Variants in KCNN3 observed in about 807,000 individuals in gnomAD.
KCNN3 encodes small conductance calcium-activated potassium channel protein 3.
In KCNN3, 16 loss-of-function variants were observed where a neutral mutation model predicts 62.9. The ratio of observed to expected loss-of-function variants is 0.25; its 90% CI spans 0.17 to 0.39. The LOEUF (loss-of-function observed/expected upper bound fraction) is 0.39. Ranked by LOEUF, KCNN3 falls within the 10% of genes least tolerant of loss-of-function variation. KCNN3 has a pLI of 1.00. For synonymous variants in KCNN3, 370 were observed against 389.2 expected (o/e 0.95, Z 0.58); for missense variants, 599 against 949.4 (o/e 0.63, Z 4.85).
At chr1:154,829,917 G>A (rs1416042810) in intron 1 of KCNN3, among the ~76,000 whole-genome samples, 1 of 152,046 alleles carries the variant, frequency 6.6e-6, no homozygotes, top group Non-Finnish European at 1.5e-5. Context: ...TTCACCATCT[G>A]ACCCCATTTT....
At chr1:154,775,087 G>A (rs1319449403) in intron 2 of KCNN3, among the ~76,000 whole-genome samples, 2 of 152,226 alleles carry the variant, frequency 1.3e-5, no homozygotes, top group African/African-American at 2.4e-5. Context: ...AGGGAATGAG[G>A]AGCCCTTTAT....
At chr1:154,781,349 T>C (rs1003603820) in intron 2 of KCNN3, among the ~76,000 whole-genome samples, 1 of 152,254 alleles carries the variant, frequency 6.6e-6, no homozygotes, top group African/African-American at 2.4e-5. Flanking sequence ...GGCAAGTCTC[T>C]GGACCTCAGA....
chr1:154,796,703 C>T (rs372662506), intron 2 of KCNN3, among the ~76,000 whole-genome samples: 14 of 152,328 alleles, frequency 9.2e-5, no homozygotes, highest in African/African-American at 2.6e-4. Flanking sequence ...GGGCCCCTGC[C>T]GCTGTCAGCA....
intron 5 of KCNN3, among the ~76,000 whole-genome samples, chr1:154,724,853 A>G (rs1387508469): frequency 6.6e-6 from 1 of 150,678 alleles, no homozygotes; most frequent in Admixed American, 6.6e-5. Context: ...CTCTACTAGA[A>G]TGATTCTTTT....
chr1:154,829,663 C>G (rs6665642), intron 1 of KCNN3, among the ~76,000 whole-genome samples: 48 of 152,108 alleles, frequency 3.2e-4, no homozygotes, highest in Non-Finnish European at 4.3e-4. Context: ...GACCTAGACC[C>G]GAGAGCAGGT....
intron 2 of KCNN3, among the ~76,000 whole-genome samples, chr1:154,801,926 G>A (rs567739037): frequency 1.3e-5 from 2 of 152,346 alleles, no homozygotes; most frequent in Non-Finnish European, 2.9e-5. Context: ...CAGCAGAAGA[G>A]GAAGGGGCCA....
rs1252418112 is a variant in KCNN3 at position 154,697,574 on chromosome 1, G to C, written c.*10402C>G. ...TTCTCTCCAGCTTCAGTTCAAGCAG[G>C]AGTGGGGAAGGCCATAGACTAAGCC... On this transcript the variant is annotated 3_prime_UTR_variant, in exon 8 of 8. Coordinates refer to ENST00000271915, the MANE Select transcript of KCNN3 (RefSeq NM_002249.6). 1 of 152,096 alleles carries C rather than the reference G, an allele frequency of 6.6e-6. No homozygotes were observed. Among genetic ancestry groups the C allele is most frequent in the Non-Finnish European group, 1.5e-5 (1 of 68,036 alleles). 9.4% of individuals were successfully genotyped at this position (152,096 alleles called of 1,614,324 possible).
chr1:154,711,848 C>T (rs1029924197), intron 7 of KCNN3, among the ~76,000 whole-genome samples: 1 of 152,040 alleles, frequency 6.6e-6, no homozygotes, highest in South Asian at 2.1e-4. Flanking sequence ...TGAATTGGAG[C>T]CTGTTACAGT....
chr1:154,744,065 C>G lies in KCNN3; in HGVS notation c.1449-10921G>C, dbSNP rs137888391. Among the ~76,000 whole-genome samples, 456 of 152,284 alleles carry G rather than the reference C, an allele frequency of 3.0e-3. 3 individuals are homozygous for G. The highest frequency in any genetic ancestry group is 9.9e-3 in the African/African-American group (411 of 41,544). On this transcript the variant is annotated intron_variant, in intron 3 of 7. Transcript: ENST00000271915. Reference sequence around the variant, plus strand: ...GCAGGCCAGCTTCTCCCGAGTCATTCTTCTCCACAGCGCTTATCACCACCT... The same window carrying G: ...GCAGGCCAGCTTCTCCCGAGTCATTGTTCTCCACAGCGCTTATCACCACCT...
intron 3 of KCNN3, among the ~76,000 whole-genome samples, chr1:154,756,456 C>T (rs944573713): frequency 1.3e-5 from 2 of 152,168 alleles, no homozygotes; most frequent in Non-Finnish European, 2.9e-5. Flanking sequence ...CAGCCTCCTG[C>T]CCCCTTCTGC....
At chr1:154,710,736 G>GA (rs1700056981) in intron 7 of KCNN3, among the ~76,000 whole-genome samples, 1 of 152,132 alleles carries the variant, frequency 6.6e-6, no homozygotes, top group African/African-American at 2.4e-5. Flanking sequence ...AAAAACACAT[G>GA]AAAAAATGCT....
In KCNN3 at chr1:154,750,812, T is replaced by C. The variant is rs538370839; in HGVS notation, c.1449-17668A>G. 4.9e-4 allele frequency among the ~76,000 whole-genome samples: 75 copies of C among 152,230 alleles called. 1 individual carries two copies. The highest frequency in any genetic ancestry group is 4.4e-3 in the Admixed American group (68 of 15,302). ...CGTGGCTGTGCTCGGGGTCTCTGCA[T>C]ACAGTGGGATTCTCCTGGGGAGCAT... On this transcript the variant is annotated intron_variant, in intron 3 of 7. Transcript: ENST00000271915.
At chr1:154,748,797 C>CA (rs1223485452) in intron 3 of KCNN3, among the ~76,000 whole-genome samples, 1 of 152,128 alleles carries the variant, frequency 6.6e-6, no homozygotes, top group African/African-American at 2.4e-5. Context: ...GCTGTCTCTA[C>CA]AAAAAATGAA....
At chr1:154,802,051 A>G (rs1431566487) in intron 2 of KCNN3, among the ~76,000 whole-genome samples, 1 of 152,170 alleles carries the variant, frequency 6.6e-6, no homozygotes, top group East Asian at 1.9e-4. Context: ...ATGAAATAAT[A>G]ATAGTAACAA....
chr1:154,728,274 A>G (rs1700511748), intron 4 of KCNN3, among the ~76,000 whole-genome samples: 1 of 152,224 alleles, frequency 6.6e-6, no homozygotes, highest in South Asian at 2.1e-4. Context: ...TGGAGGCAGG[A>G]CAGTGGACTA....
intron 2 of KCNN3, among the ~76,000 whole-genome samples, chr1:154,817,483 G>A (rs1467843122): frequency 6.6e-6 from 1 of 152,188 alleles, no homozygotes; most frequent in African/African-American, 2.4e-5. Context: ...GAGTTGCTGT[G>A]GCCTCCACAG....
intron 3 of KCNN3, among the ~76,000 whole-genome samples, chr1:154,761,607 A>C (rs1648016979): frequency 6.6e-6 from 1 of 152,148 alleles, no homozygotes. Context: ...CAAATATTAC[A>C]TCATGAATAT....
At chr1:154,778,174 C>T (rs760687957) in intron 2 of KCNN3, among the ~76,000 whole-genome samples, 2 of 152,100 alleles carry the variant, frequency 1.3e-5, no homozygotes, top group Admixed American at 6.5e-5. Flanking sequence ...GATTTTCAGC[C>T]GTTAGTATAA....
rs1360176552 is a variant in KCNN3, at chr1:154,869,637, C to A, written c.328G>T (p.Ala110Ser). 6.2e-7 allele frequency: 1 copy of A among 1,612,996 alleles called. No individual in the cohort carries two copies. The highest frequency in any genetic ancestry group is 1.3e-5 in the African/African-American group (1 of 74,942). The change falls in exon 1 of 8, where the codon GCC (alanine) becomes TCC (serine). Residue 110 changes from alanine to serine, a missense_variant. This residue lies in a region of KCNN3 where 112 missense variants were observed against 142.9 expected (regional missense o/e 0.78). Coordinates refer to ENST00000271915, the MANE Select transcript of KCNN3 (RefSeq NM_002249.6). This position sits in a 1 kb window ranked among gnomAD's most constrained non-coding sequence, Gnocchi z 6.1. Reference sequence around the variant, plus strand: ...GCGGTGGAGTTGGACGAAGGGGGGGCCCTGAAAGCGGTGGGAGAGGAGTGC... The same window carrying A: ...GCGGTGGAGTTGGACGAAGGGGGGGACCTGAAAGCGGTGGGAGAGGAGTGC... The part of the protein sequence containing the change: ...LLHSSPTAFR[A>S]PPSSNSTAIL...
Sources: allele counts gnomAD v4.1 joint callset (sites outside exome capture counted in the v4.1 genomes callset), GRCh38; gene constraint gnomAD v4.1.1; regional missense constraint gnomAD v4.1.1; non-coding constraint Gnocchi (gnomAD v3.1); transcripts MANE v1.5; gene names NCBI Gene and HGNC (gene_info 2026-07-23, HGNC 2026-07-21).